The following DNPEP variants were observed in gnomAD, a reference collection of about 807,000 sequenced individuals.
DNPEP encodes the protein aspartyl aminopeptidase.
Under a neutral mutation model 59.1 loss-of-function variants are expected in DNPEP, and 46 were observed. The observed-to-expected ratio is 0.78, with a 90% confidence interval of 0.61 to 0.99. The LOEUF (loss-of-function observed/expected upper bound fraction) is 0.99. Ranked by LOEUF, DNPEP falls within the 50% of genes least tolerant of loss-of-function variation. The pLI is 0.00. For synonymous variants in DNPEP, 229 were observed against 242.2 expected (o/e 0.95, Z 0.50); for missense variants, 617 against 649.9 (o/e 0.95, Z 0.55).
intron 9 of DNPEP, 115 bp downstream of exon 9, chr2:219,384,251 G>T: frequency 1.0e-6 from 1 of 966,536 alleles, no homozygotes; most frequent in Non-Finnish European, 1.6e-6. Flanking sequence ...CAGACTGAGC[G>T]GGTAGACAAT....
intron 1 of DNPEP, 91 bp from the exon 2 acceptor site, chr2:219,387,254 A>G (rs935865063): frequency 1.1e-5 from 16 of 1,516,502 alleles, no homozygotes; most frequent in Non-Finnish European, 1.3e-5. Context: ...CCACCCCCAG[A>G]AGTGACCACT....
chr2:219,388,003 CCCCT>C, upstream of DNPEP: 1 of 1,217,910 alleles, frequency 8.2e-7, no homozygotes, highest in Non-Finnish European at 1.1e-6. Context: ...GTCAGCCCCG[CCCCT>C]CGGCGGGCTT....
chr2:219,381,933 G>T (rs1207673258), intron 11 of DNPEP, 46 bp downstream of exon 11: 5 of 1,601,884 alleles, frequency 3.1e-6, no homozygotes, highest in South Asian at 1.1e-5. Context: ...GTTATGCTTG[G>T]GTCTCCAGCT....
At chr2:219,376,007 G>A (rs1269484405) in intron 13 of DNPEP, among the ~76,000 whole-genome samples, 2 of 152,102 alleles carry the variant, frequency 1.3e-5, no homozygotes, top group East Asian at 1.9e-4. Context: ...TCTGGGGGGC[G>A]AAATGAACAA....
At chr2:219,391,800 G>T (rs531745733), upstream of DNPEP, among the ~76,000 whole-genome samples, 8 of 150,950 alleles carry the variant, frequency 5.3e-5, no homozygotes, top group South Asian at 1.7e-3. Flanking sequence ...ATCAGCATCT[G>T]CATGTTAACA....
intron 13 of DNPEP, 75 bp from the exon 14 acceptor site, chr2:219,375,097 T>C (rs765159687): frequency 1.2e-5 from 19 of 1,524,534 alleles, no homozygotes; most frequent in Admixed American, 3.5e-5. Context: ...CATCTTAGAA[T>C]TGCAGGGTGG....
chr2:219,399,661 C>T (rs1379577054), intron 1 of DNPEP, among the ~76,000 whole-genome samples: 1 of 152,214 alleles, frequency 6.6e-6, no homozygotes, highest in East Asian at 1.9e-4. Flanking sequence ...TTAAATCCTC[C>T]AAAGTTAGCC....
intron 1 of DNPEP, among the ~76,000 whole-genome samples, chr2:219,397,282 A>G (rs547839019): frequency 1.2e-4 from 17 of 142,738 alleles, no homozygotes; most frequent in Admixed American, 3.0e-4. Flanking sequence ...ACAGGCCTGC[A>G]AGTATTTACA....
chr2:219,387,027 G>T lies in DNPEP; in HGVS notation c.130+43C>A, dbSNP rs374439223. ...ACAGCGATGGAAGCTGGTGAAGGGCGCATCAGCCTCCACCCTCCTCCCTTG... is the reference window on the plus strand; with the variant it reads ...ACAGCGATGGAAGCTGGTGAAGGGCTCATCAGCCTCCACCCTCCTCCCTTG... On this transcript the variant is annotated intron_variant, in intron 2 of 14. Transcript: ENST00000273075. 1.1e-5 allele frequency: 17 copies of T among 1,611,806 alleles called. 1 individual carries two copies. The South Asian group carries it at 1.7e-4, about 16-fold the overall frequency.
chr2:219,380,676 G>A (rs1953554792), intron 13 of DNPEP, among the ~76,000 whole-genome samples: 1 of 152,024 alleles, frequency 6.6e-6, no homozygotes, highest in African/African-American at 2.4e-5. Flanking sequence ...CTAGGTTTGT[G>A]TACATATACT....
chr2:219,384,998 G>A (rs1437421935), intron 8 of DNPEP: 2 of 171,884 alleles, frequency 1.2e-5, no homozygotes, highest in East Asian at 3.3e-4. Context: ...GTAAACAGAG[G>A]AAACCAGCCA....
upstream of DNPEP, among the ~76,000 whole-genome samples, chr2:219,391,252 T>A (rs73991525): frequency 6.6e-6 from 1 of 152,196 alleles, no homozygotes; most frequent in African/African-American, 2.4e-5. Context: ...AGACTGTATA[T>A]GTCAGCCTCT....
upstream of DNPEP, chr2:219,388,864 CTA>C (rs1953962591): frequency 1.0e-6 from 1 of 985,360 alleles, no homozygotes; most frequent in African/African-American, 1.7e-5. Flanking sequence ...GCCCCATCAA[CTA>C]TGTACTCTTA....
At chr2:219,376,225 C>T (rs980797942) in intron 13 of DNPEP, among the ~76,000 whole-genome samples, 3 of 152,170 alleles carry the variant, frequency 2.0e-5, no homozygotes, top group Non-Finnish European at 2.9e-5. Context: ...TGCTGGCTCA[C>T]GCCTGTAATC....
intron 1 of DNPEP, among the ~76,000 whole-genome samples, chr2:219,395,550 G>A (rs1010182967): frequency 6.6e-6 from 1 of 152,184 alleles, no homozygotes; most frequent in Non-Finnish European, 1.5e-5. Flanking sequence ...TGCCATTCAG[G>A]GTCATTCTCA....
At chr2:219,394,317 T>A (rs1359752666) in intron 1 of DNPEP, among the ~76,000 whole-genome samples, 1 of 152,180 alleles carries the variant, frequency 6.6e-6, no homozygotes, top group Non-Finnish European at 1.5e-5. Context: ...GACATAGCCG[T>A]TTGCTCTCCT....
chr2:219,385,424 C>T lies in DNPEP; in HGVS notation c.774G>A (p.Ala258=), dbSNP rs747105200. The change falls in exon 8 of 15, where the codon GCG becomes GCA. Residue 258 remains alanine, a splice_region_variant and synonymous_variant. Coordinates refer to ENST00000273075, the MANE Select transcript of DNPEP (RefSeq NM_012100.4). ...MELCLADTQP[A]VLGGAYDEFI... is the part of the protein sequence containing the mutation. Reference sequence around the variant, plus strand: ...ACAGGTTCCTACAGCCAGTCCTCACCGCAGGCTGGGTGTCTGCAAGGCAGA... The same window carrying T: ...ACAGGTTCCTACAGCCAGTCCTCACTGCAGGCTGGGTGTCTGCAAGGCAGA... 3.0e-5 allele frequency: 49 copies of T among 1,606,654 alleles called. No individual in the cohort carries two copies. Among genetic ancestry groups the T allele is most frequent in the Middle Eastern group, 3.3e-4 (2 of 6,062 alleles).
chr2:219,386,108 G>T lies in DNPEP; in HGVS notation c.460-10C>A. ...GACCTGAGGTAGGGCACTGCAGCCA[G>T]CCAGGCCAGGTCAGCCCAGGGTGCC... On this transcript the variant is annotated splice_polypyrimidine_tract_variant and intron_variant, in intron 5 of 14. Transcript: ENST00000273075. 1 of 1,613,292 alleles carries T rather than the reference G, an allele frequency of 6.2e-7. No homozygotes were observed.
Position 219,386,790 on chromosome 2 carries a change from G to T in DNPEP, c.220-12C>A. On this transcript the variant is annotated splice_polypyrimidine_tract_variant and intron_variant, in intron 3 of 14. Coordinates refer to ENST00000273075, the MANE Select transcript of DNPEP (RefSeq NM_012100.4). ...CTGGTCATGAAGTACTGAGGAGAAG[G>T]GGAGGAAAGACAGGGGTGTGAGTTG... 6.2e-7 allele frequency: 1 copy of T among 1,611,948 alleles called. No individual in the cohort carries two copies. The highest frequency in any genetic ancestry group is 8.5e-7 in the Non-Finnish European group (1 of 1,178,454).
Sources: allele counts gnomAD v4.1 joint callset (sites outside exome capture counted in the v4.1 genomes callset), GRCh38; gene constraint gnomAD v4.1.1; transcripts MANE v1.5; gene names NCBI Gene and HGNC (gene_info 2026-07-23, HGNC 2026-07-21).